The following DLG2 variants were observed in gnomAD, a reference collection of about 807,000 sequenced individuals.
DLG2 encodes the protein discs large MAGUK scaffold protein 2.
In DLG2, 45 loss-of-function variants were observed where a neutral mutation model predicts 132.5. The observed-to-expected ratio is 0.34, with a 90% CI of 0.27 to 0.44. The LOEUF is 0.44. DLG2 is among the 20% of genes least tolerant of loss of function. The pLI, the probability that DLG2 is intolerant of heterozygous loss-of-function variation, is 1.00. For missense variants in DLG2, 1,045 were observed against 1,196.9 expected (o/e 0.87, Z 1.87); for synonymous variants, 424 against 419.6 (o/e 1.01, Z -0.13).
chr11:83,994,816 T>A (rs1422144142), intron 11 of DLG2, among the ~76,000 whole-genome samples: 1 of 152,084 alleles, frequency 6.6e-6, no homozygotes, highest in Non-Finnish European at 1.5e-5. Flanking sequence ...CAGGGTTGAG[T>A]CCTCCTGAAA....
chr11:85,526,671 T>A (rs1413612787), intron 3 of DLG2, among the ~76,000 whole-genome samples: 1 of 152,188 alleles, frequency 6.6e-6, no homozygotes, highest in African/African-American at 2.4e-5. Flanking sequence ...GAAACTCTGA[T>A]TGCTAGTAAA....
At chr11:85,217,318 T>TCACACACACACACACA (rs56718906) in intron 4 of DLG2, among the ~76,000 whole-genome samples, 8 of 144,036 alleles carry the variant, frequency 5.6e-5, no homozygotes, top group African/African-American at 2.1e-4. Context: ...TCTCTCTCTC[T>TCACACACACACACACA]CACACACACA....
chr11:84,885,169 C>CAGTA (rs908545434), intron 6 of DLG2, among the ~76,000 whole-genome samples: 1 of 152,076 alleles, frequency 6.6e-6, no homozygotes, highest in Admixed American at 6.6e-5. Flanking sequence ...TCACAGAGAT[C>CAGTA]AGTACCCTGG....
intron 7 of DLG2, among the ~76,000 whole-genome samples, chr11:84,271,370 C>T (rs2097719618): frequency 6.6e-6 from 1 of 152,026 alleles, no homozygotes; most frequent in Admixed American, 6.6e-5. Flanking sequence ...CAGAGTAGCC[C>T]ACGAATTATG....
chr11:83,697,555 A>C (rs1283199650), intron 18 of DLG2, among the ~76,000 whole-genome samples: 1 of 152,176 alleles, frequency 6.6e-6, no homozygotes, highest in Non-Finnish European at 1.5e-5. Context: ...CCTTAAGACA[A>C]ATCAACCTCC....
intron 4 of DLG2, among the ~76,000 whole-genome samples, chr11:85,178,375 A>G (rs1390499638): frequency 6.6e-6 from 1 of 152,032 alleles, no homozygotes; most frequent in African/African-American, 2.4e-5. Flanking sequence ...TAAAAGTTAT[A>G]CAGGTTATTT....
intron 7 of DLG2, among the ~76,000 whole-genome samples, chr11:84,254,717 G>C (rs956077307): frequency 6.6e-6 from 1 of 152,054 alleles, no homozygotes; most frequent in African/African-American, 2.4e-5. Context: ...CTAGGATGTA[G>C]AGTCTGTGAA....
intron 6 of DLG2, among the ~76,000 whole-genome samples, chr11:85,094,024 CA>C (rs2069300818): frequency 6.6e-6 from 1 of 152,220 alleles, no homozygotes; most frequent in Non-Finnish European, 1.5e-5. Context: ...ACTGAAAATT[CA>C]TTAATCCCTT....
At chr11:84,673,319 G>C (rs937305236) in intron 6 of DLG2, among the ~76,000 whole-genome samples, 3 of 152,034 alleles carry the variant, frequency 2.0e-5, no homozygotes, top group Non-Finnish European at 4.4e-5. Context: ...ATATGCAACA[G>C]AATCCACTTT....
At chr11:85,131,964 C>G (rs1028231373) in intron 5 of DLG2, among the ~76,000 whole-genome samples, 19 of 152,092 alleles carry the variant, frequency 1.2e-4, no homozygotes, top group Non-Finnish European at 2.1e-4. Flanking sequence ...GAAAAGGGAA[C>G]TAATGAATAA....
intron 7 of DLG2, among the ~76,000 whole-genome samples, chr11:84,278,786 T>C (rs1317767889): frequency 6.9e-6 from 1 of 144,332 alleles, no homozygotes; most frequent in Non-Finnish European, 1.5e-5. Flanking sequence ...ATTGTAATTA[T>C]GAAATAGTAA....
At chr11:84,703,857 G>GATAGATATATATATATATATAT (rs2059456123) in intron 6 of DLG2, among the ~76,000 whole-genome samples, 1 of 102,714 alleles carries the variant, frequency 9.7e-6, no homozygotes, top group East Asian at 3.3e-4. Flanking sequence ...ATGTAGTGAA[G>GATAGATATATATATATATATAT]ATATATATAT....
intron 21 of DLG2, among the ~76,000 whole-genome samples, chr11:83,485,946 TAATG>T (rs1018369916): frequency 7.2e-5 from 11 of 152,184 alleles, no homozygotes; most frequent in African/African-American, 2.6e-4. Flanking sequence ...TTATGAAAAA[TAATG>T]AACCAAATAA....
rs545321495 is a variant in DLG2, at chr11:85,025,167, C to G, written c.357+86494G>C. 1.3e-5 allele frequency among the ~76,000 whole-genome samples: 2 copies of G among 152,276 alleles called. 1 individual carries two copies. The highest frequency in any genetic ancestry group is 4.1e-4 in the South Asian group (2 of 4,830). On this transcript the variant is annotated intron_variant, in intron 6 of 27. Coordinates refer to ENST00000376104, the MANE Select transcript of DLG2 (RefSeq NM_001142699.3). ...TTTTCCATTGTATCTCGCAAGAACA[C>G]AGATACATACACTCATCATACCATG...
chr11:83,964,165 G>A (rs1292218889), intron 13 of DLG2, among the ~76,000 whole-genome samples: 7 of 151,864 alleles, frequency 4.6e-5, no homozygotes, highest in Admixed American at 6.6e-5. Flanking sequence ...TATTAGAGTC[G>A]TTTTCTCCCT....
At chr11:85,544,590 C>T (rs1196458261) in intron 3 of DLG2, among the ~76,000 whole-genome samples, 4 of 152,136 alleles carry the variant, frequency 2.6e-5, no homozygotes, top group Admixed American at 6.5e-5. Context: ...GGCAGTATGG[C>T]CATTTTCACA....
intron 18 of DLG2, among the ~76,000 whole-genome samples, chr11:83,706,347 A>G (rs192485130): frequency 1.3e-5 from 2 of 152,114 alleles, no homozygotes; most frequent in African/African-American, 2.4e-5. Context: ...GTGCCTAGAC[A>G]TGGTACTGGA....
chr11:84,894,026 T>C (rs1387056176), intron 6 of DLG2, among the ~76,000 whole-genome samples: 1 of 152,144 alleles, frequency 6.6e-6, no homozygotes, highest in Non-Finnish European at 1.5e-5. Context: ...CTGTAATGAC[T>C]ATGGAAAACA....
chr11:85,211,060 A>G (rs2082222602), intron 4 of DLG2, among the ~76,000 whole-genome samples: 1 of 152,094 alleles, frequency 6.6e-6, no homozygotes, highest in African/African-American at 2.4e-5. Flanking sequence ...TAATTTGTTT[A>G]TTTGTAGTTG....
Sources: gnomAD v4.1 joint callset for allele counts (sites outside exome capture counted in the v4.1 genomes callset) on GRCh38, gnomAD v4.1.1 for gene constraint, MANE v1.5 for transcripts, NCBI Gene and HGNC (gene_info 2026-07-23, HGNC 2026-07-21) for gene names.